The following GALNT1 variants were observed in gnomAD, a reference collection of about 807,000 sequenced individuals.
GALNT1 encodes polypeptide N-acetylgalactosaminyltransferase 1.
Under a neutral mutation model 65.7 loss-of-function variants are expected in GALNT1, and 17 were observed. That is an observed-to-expected ratio of 0.26 (90% CI 0.18 to 0.39). The LOEUF (loss-of-function observed/expected upper bound fraction) is 0.39. Ranked by LOEUF, GALNT1 falls within the 10% of genes least tolerant of loss-of-function variation. The pLI is 1.00. For synonymous variants in GALNT1, 210 were observed against 219.7 expected, an observed-to-expected ratio of 0.96 and a Z score of 0.39; for missense variants, 460 against 672.8, an observed-to-expected ratio of 0.68 and a Z score of 3.50.
intron 1 of GALNT1, among the ~76,000 whole-genome samples, chr18:35,644,058 G>A (rs894160183): frequency 6.6e-6 from 1 of 152,032 alleles, no homozygotes; most frequent in Middle Eastern, 3.2e-3. Flanking sequence ...TCTCTAATTT[G>A]AAACATTCGA....
intron 3 of GALNT1, among the ~76,000 whole-genome samples, chr18:35,664,851 A>G (rs1449631509): frequency 6.6e-6 from 1 of 152,240 alleles, no homozygotes. Context: ...TGCCTCCTCC[A>G]GAGAAGAGAC....
chr18:35,689,787 A>G (rs1270361430), intron 7 of GALNT1, among the ~76,000 whole-genome samples: 1 of 152,242 alleles, frequency 6.6e-6, no homozygotes, highest in Non-Finnish European at 1.5e-5. Flanking sequence ...CCCAGTCTAC[A>G]TATAAAGTCT....
chr18:35,634,285 A>G (rs997209629), intron 1 of GALNT1, among the ~76,000 whole-genome samples: 1 of 152,212 alleles, frequency 6.6e-6, no homozygotes. Flanking sequence ...CACATAACTC[A>G]TAAGTGTTGC....
chr18:35,630,272 A>C (rs775388112), intron 1 of GALNT1, among the ~76,000 whole-genome samples: 2 of 152,212 alleles, frequency 1.3e-5, no homozygotes. Context: ...ACCACACCGC[A>C]GTTACTCCAA....
intron 1 of GALNT1, among the ~76,000 whole-genome samples, chr18:35,650,473 C>T (rs1254604915): frequency 7.2e-5 from 11 of 152,232 alleles, no homozygotes; most frequent in East Asian, 3.9e-4. Flanking sequence ...AGCAGACAAC[C>T]GGTCTGATCA....
At chr18:35,621,425 C>T (rs2046850300) in intron 1 of GALNT1, among the ~76,000 whole-genome samples, 1 of 147,698 alleles carries the variant, frequency 6.8e-6, no homozygotes, top group African/African-American at 2.6e-5. Flanking sequence ...ACTTCTGGTT[C>T]AAGTGATCCT....
chr18:35,684,792 G>T (rs747447461), intron 5 of GALNT1, among the ~76,000 whole-genome samples: 3 of 152,234 alleles, frequency 2.0e-5, no homozygotes, highest in African/African-American at 7.2e-5. Context: ...AGCTTTCGCT[G>T]GTAGGGTTTC....
At chr18:35,651,775 AT>A (rs2047314860) in intron 1 of GALNT1, among the ~76,000 whole-genome samples, 1 of 152,224 alleles carries the variant, frequency 6.6e-6, no homozygotes, top group South Asian at 2.1e-4. Flanking sequence ...CATTAAATAC[AT>A]TGTACTAGCT....
At chr18:35,672,917 G>A (rs980804897) in intron 3 of GALNT1, among the ~76,000 whole-genome samples, 7 of 152,150 alleles carry the variant, frequency 4.6e-5, no homozygotes, top group Non-Finnish European at 1.0e-4. Flanking sequence ...TACAAATGGG[G>A]AAACTTGGAC....
chr18:35,619,698 C>T (rs970320790), intron 1 of GALNT1, among the ~76,000 whole-genome samples: 13 of 152,198 alleles, frequency 8.5e-5, no homozygotes, highest in African/African-American at 2.9e-4. Flanking sequence ...AGTGTAGTAA[C>T]TGTCTGCGCT....
chr18:35,682,408 ATC>A (rs1245148782), intron 4 of GALNT1, among the ~76,000 whole-genome samples: 4 of 152,108 alleles, frequency 2.6e-5, no homozygotes, highest in Non-Finnish European at 4.4e-5. Flanking sequence ...TATGAGGATA[ATC>A]TCTCTAGGGG....
intron 1 of GALNT1, among the ~76,000 whole-genome samples, chr18:35,613,207 G>A (rs748126821): frequency 1.3e-5 from 2 of 152,082 alleles, no homozygotes; most frequent in Non-Finnish European, 2.9e-5. Context: ...TTACTGATAC[G>A]TACTGAGTGC....
rs747427766 is a variant in GALNT1, at chr18:35,683,591, C to T, written c.682C>T (p.His228Tyr). Residue 228 changes from histidine (H) to tyrosine (Y), a missense_variant, in exon 5 of 12, where the codon CAT (histidine) becomes TAT (tyrosine). Transcript: ENST00000269195. ...GGAGCCTCTCTTGGCCAGGATCAAA[C>T]ATGACAGGTAATTTTCTGGTGTCTG... ...WLEPLLARIK[H>Y]DRRTVVCPII... 4 of 1,613,236 alleles carry T rather than the reference C, an allele frequency of 2.5e-6. No individual in the cohort carries two copies. The highest frequency in any genetic ancestry group is 3.4e-6 in the Non-Finnish European group (4 of 1,179,492).
intron 1 of GALNT1, among the ~76,000 whole-genome samples, chr18:35,582,519 C>T (rs904536763): frequency 2.0e-5 from 3 of 152,224 alleles, no homozygotes; most frequent in Non-Finnish European, 2.9e-5. Flanking sequence ...CCTTACTCCC[C>T]AGATTTGTGA....
Position 35,593,087 on chromosome 18 carries a change from G to A in GALNT1, c.-104+11225G>A, listed in dbSNP as rs370107924. ...TGGGCAGGGTTCCACGGGAGAAGGA[G>A]GATGCTGCATGTCTGGGACTTGTGA... On this transcript the variant is annotated intron_variant, in intron 1 of 11. Transcript: ENST00000269195. Among the ~76,000 whole-genome samples, 5 of 152,190 alleles carry A rather than the reference G, an allele frequency of 3.3e-5. No homozygotes were observed. In the East Asian group the frequency reaches 7.7e-4, roughly 23 times the overall value.
At chr18:35,687,224 T>TTA (rs2047882562) in intron 6 of GALNT1, 38 bp downstream of exon 6, 8 of 1,586,810 alleles carry the variant, frequency 5.0e-6, no homozygotes, top group Non-Finnish European at 6.9e-6. Flanking sequence ...AAAGTGTTAT[T>TTA]GGCAGAAGGT....
At chr18:35,596,562 ATACCT>A (rs1481974214) in intron 1 of GALNT1, 1 of 152,224 alleles carries the variant, frequency 6.6e-6, no homozygotes, top group Non-Finnish European at 1.5e-5. Context: ...GTACTTGTAG[ATACCT>A]GAGAGTGAGT....
chr18:35,645,093 T>G (rs1486202173), intron 1 of GALNT1, among the ~76,000 whole-genome samples: 2 of 152,138 alleles, frequency 1.3e-5, no homozygotes, highest in African/African-American at 4.8e-5. Flanking sequence ...AGATTAATTT[T>G]GGGAATAACC....
chr18:35,658,520 T>C (rs1412842771), intron 2 of GALNT1, among the ~76,000 whole-genome samples: 1 of 152,110 alleles, frequency 6.6e-6, no homozygotes, highest in Non-Finnish European at 1.5e-5. Flanking sequence ...TTCAGTGCAG[T>C]AGGTGCTGAG....
Sources: allele counts gnomAD v4.1 joint callset (sites outside exome capture counted in the v4.1 genomes callset), GRCh38; gene constraint gnomAD v4.1.1; transcripts MANE v1.5; gene names NCBI Gene and HGNC (gene_info 2026-07-23, HGNC 2026-07-21).